Variants in USF3 observed in about 807,000 individuals in gnomAD.
The protein encoded by USF3 is upstream transcription factor family member 3.
Under a neutral mutation model 157.5 loss-of-function variants are expected in USF3, and 29 were observed. The ratio of observed to expected loss-of-function variants is 0.18; its 90% CI spans 0.14 to 0.25. USF3 has a LOEUF of 0.25. USF3 is among the 10% of genes least tolerant of loss of function. The pLI is 1.00. For synonymous variants in USF3, 893 were observed against 941.4 expected, an observed-to-expected ratio of 0.95 and a Z score of 0.94; for missense variants, 2,381 against 2,667.6, an observed-to-expected ratio of 0.89 and a Z score of 2.37.
chr3:113,685,902 A>C (rs1274868050), intron 1 of USF3, among the ~76,000 whole-genome samples: 3 of 152,152 alleles, frequency 2.0e-5, no homozygotes, highest in Non-Finnish European at 2.9e-5. Flanking sequence ...AGTTGCAAGA[A>C]AAAAATCCTC....
intron 4 of USF3, among the ~76,000 whole-genome samples, chr3:113,672,535 C>T (rs1707184162): frequency 6.6e-6 from 1 of 152,030 alleles, no homozygotes; most frequent in African/African-American, 2.4e-5. Context: ...AAGCAATAAA[C>T]TGTGCTTACC....
At chr3:113,667,634 A>G (rs1054330891) in intron 5 of USF3, among the ~76,000 whole-genome samples, 1 of 152,198 alleles carries the variant, frequency 6.6e-6, no homozygotes, top group African/African-American at 2.4e-5. Context: ...TGGGAGGCCG[A>G]GGTGGGTGGA....
At position 113,658,648 on chromosome 3, in the gene USF3, C is replaced by G. The variant is rs752858659; in HGVS notation, c.3034G>C (p.Ala1012Pro). 6.2e-7 allele frequency: 1 copy of G among 1,612,632 alleles called. No individual in the cohort carries two copies. The highest frequency in any genetic ancestry group is 8.5e-7 in the Non-Finnish European group (1 of 1,179,658). ...GATTTCTGAGGGTTTTTTTTTTTAG[C>G]AAGATCAGATAGCAATGTAGTTAAA... Reference protein sequence around the residue: ...QGLTTLLSDLAKKKNPQKSSL... With the variant: ...QGLTTLLSDLPKKKNPQKSSL... The change falls in exon 7 of 7, where the codon GCT becomes CCT. Residue 1012 changes from alanine to proline, a missense_variant. By Grantham distance (27) the Ala-to-Pro change is conservative. Around this residue, in one of 6 missense-constraint regions of USF3, gnomAD observed 1,435 missense variants for 1,550.9 expected, o/e 0.93. Transcript: ENST00000316407.
intron 1 of USF3, among the ~76,000 whole-genome samples, chr3:113,684,458 T>C (rs914587585): frequency 6.6e-6 from 1 of 152,202 alleles, no homozygotes; most frequent in Non-Finnish European, 1.5e-5. Flanking sequence ...TCAATCTCTC[T>C]CTCCACTTCC....
In USF3 at chr3:113,657,610, A is replaced by G. The variant is rs770639189; in HGVS notation, c.4072T>C (p.Ser1358Pro). 5.0e-6 allele frequency: 8 copies of G among 1,614,166 alleles called. No individual in the cohort carries two copies. Among genetic ancestry groups the G allele is most frequent in the Non-Finnish European group, 6.8e-6 (8 of 1,180,028 alleles). The change falls in exon 7 of 7, where the codon TCC (serine) becomes CCC (proline). Residue 1358 changes from serine to proline, a missense_variant. Physicochemically the swap from Ser to Pro is moderately conservative, Grantham distance 74 (BLOSUM62 -1). Transcript: ENST00000316407. ...QPAPLRLESM[S>P]LMSRTPDTIS... is the part of the protein sequence containing the mutation. ...GTGTCTGGAGTTCTGCTCATCAGGG[A>G]CATACTTTCAAGCCTGAGGGGGGCT...
rs775993822 is a variant in USF3, at chr3:113,655,211, A to G, written c.6471T>C (p.Ser2157=). Residue 2157 remains serine (S), a synonymous_variant, in exon 7 of 7, where the codon TCT becomes TCC. Coordinates refer to ENST00000316407, the MANE Select transcript of USF3 (RefSeq NM_001009899.4). ...GAGCAAACCCAACAGGTCTGGGAGGAGATAAAATTGATCCAAATCGGTTAT... is the reference window on the plus strand; with the variant it reads ...GAGCAAACCCAACAGGTCTGGGAGGGGATAAAATTGATCCAAATCGGTTAT... ...SLNNRFGSIL[S]PPRPVGFAQP... is the part of the protein sequence containing the mutation. 6.2e-7 allele frequency: 1 copy of G among 1,614,192 alleles called. No individual in the cohort carries two copies. The highest frequency in any genetic ancestry group is 1.1e-5 in the South Asian group (1 of 91,086).
chr3:113,688,766 C>T lies in USF3; in HGVS notation c.-135+7604G>A, dbSNP rs138251874. Among the ~76,000 whole-genome samples the T allele has an allele frequency of 3.2e-3, 480 of 152,262 alleles. 1 individual carries two copies. The highest frequency in any genetic ancestry group is 0.012 in the South Asian group (58 of 4,826). On this transcript the variant is annotated intron_variant, in intron 1 of 6. Coordinates refer to ENST00000316407, the MANE Select transcript of USF3 (RefSeq NM_001009899.4). ...GTCATTAATACAGATGCTGGCTGGG[C>T]GCGGTGGCTCACGCCTGTAACCCCA... is the stretch of plus-strand genomic sequence containing the variant.
Position 113,656,442 on chromosome 3 carries a change from T to C in USF3, c.5240A>G (p.Gln1747Arg). The C allele has an allele frequency of 6.2e-7, 1 of 1,614,224 alleles. No individual in the cohort carries two copies. ...FKPSGASQQPQSNFEVQSSRN... is the reference protein window; with the variant it reads ...FKPSGASQQPRSNFEVQSSRN... The stretch of plus-strand genomic sequence containing the variant: ...TGAAGATTGTACTTCAAAATTACTC[T>C]GGGGCTGTTGACTAGCTCCACTTGG... The change falls in exon 7 of 7, where the codon CAG becomes CGG. Residue 1747 changes from glutamine (Q) to arginine (R), a missense_variant. Gln to Arg is a conservative substitution (Grantham distance 43). Around this residue, in one of 6 missense-constraint regions of USF3, gnomAD observed 770 missense variants for 824.2 expected, o/e 0.93. Transcript: ENST00000316407.
chr3:113,688,891 C>T (rs906851839), intron 1 of USF3, among the ~76,000 whole-genome samples: 1 of 152,014 alleles, frequency 6.6e-6, no homozygotes, highest in African/African-American at 2.4e-5. Flanking sequence ...ATTAGCTGGG[C>T]GTGGTGGCGG....
intron 5 of USF3, among the ~76,000 whole-genome samples, chr3:113,668,488 A>G (rs1288068470): frequency 1.3e-5 from 2 of 152,068 alleles, no homozygotes; most frequent in Non-Finnish European, 2.9e-5. Context: ...ACAAATACTG[A>G]TATGTTTTAG....
At chr3:113,662,278 C>T (rs1385527887) in intron 6 of USF3, among the ~76,000 whole-genome samples, 1 of 152,242 alleles carries the variant, frequency 6.6e-6, no homozygotes, top group African/African-American at 2.4e-5. Context: ...ATGGAACCTG[C>T]ACTTTGCTTG....
At position 113,652,707 on chromosome 3, in the gene USF3, G is replaced by A. The variant is rs1433057598; in HGVS notation, c.*2237C>T. 2 of 154,110 alleles carry A rather than the reference G, an allele frequency of 1.3e-5. No individual in the cohort carries two copies. The highest frequency in any genetic ancestry group is 2.9e-5 in the Non-Finnish European group (2 of 69,480). The allele number at this position is 154,110 out of a possible 1,614,324, so 9.5% of individuals were successfully genotyped here. A position where few individuals can be genotyped will look rare whatever the true frequency, so the allele number is the denominator to read the frequency against. ...GGGGTGACTCATGCCTGTAATTCCAGTACTTTGGGAGGCCGAGGTGGGTGG... is the reference window on the plus strand; with the variant it reads ...GGGGTGACTCATGCCTGTAATTCCAATACTTTGGGAGGCCGAGGTGGGTGG... On this transcript the variant is annotated 3_prime_UTR_variant, in exon 7 of 7. Coordinates refer to ENST00000316407, the MANE Select transcript of USF3 (RefSeq NM_001009899.4).
chr3:113,685,299 C>A (rs1281642193), intron 1 of USF3, among the ~76,000 whole-genome samples: 1 of 152,216 alleles, frequency 6.6e-6, no homozygotes, highest in Non-Finnish European at 1.5e-5. Context: ...TGGGACACAC[C>A]TGAAGCCAGC....
At chr3:113,684,082 C>CA (rs1559723634) in intron 1 of USF3, among the ~76,000 whole-genome samples, 1 of 152,094 alleles carries the variant, frequency 6.6e-6, no homozygotes, top group Non-Finnish European at 1.5e-5. Context: ...CTGGGAAAGT[C>CA]TTTTTTTCCT....
intron 6 of USF3, among the ~76,000 whole-genome samples, chr3:113,662,735 A>G (rs1947505129): frequency 6.6e-6 from 1 of 152,136 alleles, no homozygotes; most frequent in Non-Finnish European, 1.5e-5. Flanking sequence ...CAACTATAAC[A>G]GCTAACATTT....
At chr3:113,688,160 C>T (rs1707599519) in intron 1 of USF3, among the ~76,000 whole-genome samples, 2 of 152,028 alleles carry the variant, frequency 1.3e-5, no homozygotes, top group Admixed American at 6.5e-5. Context: ...ACCCTGTCGC[C>T]CAAACTGGAG....
chr3:113,687,986 T>C (rs1707595900), intron 1 of USF3, among the ~76,000 whole-genome samples: 1 of 152,250 alleles, frequency 6.6e-6, no homozygotes. Flanking sequence ...GTAAAACTGA[T>C]TCCAGGGTCA....
intron 4 of USF3, among the ~76,000 whole-genome samples, chr3:113,671,424 T>C (rs1161146848): frequency 2.0e-5 from 3 of 152,218 alleles, no homozygotes; most frequent in African/African-American, 7.2e-5. Flanking sequence ...CTATGTTGGA[T>C]CTTTCCCATC....
chr3:113,675,568 T>C (rs1707263425), intron 2 of USF3, among the ~76,000 whole-genome samples: 1 of 152,236 alleles, frequency 6.6e-6, no homozygotes, highest in African/African-American at 2.4e-5. Context: ...TACATTAATA[T>C]ATTAATCATA....
Sources: allele counts gnomAD v4.1 joint callset (sites outside exome capture counted in the v4.1 genomes callset), GRCh38; gene constraint gnomAD v4.1.1; regional missense constraint gnomAD v4.1.1; transcripts MANE v1.5; gene names NCBI Gene and HGNC (gene_info 2026-07-23, HGNC 2026-07-21).